CDH12: variants seen among roughly 807,000 people sequenced by gnomAD.
CDH12 encodes the protein cadherin-12.
CDH12 carries 41 observed loss-of-function variants against 74.1 expected under a neutral mutation model. That is an observed-to-expected ratio of 0.55 (90% CI 0.43 to 0.72). The LOEUF is 0.72. Ranked by LOEUF, CDH12 falls within the 30% of genes least tolerant of loss-of-function variation. The probability of loss-of-function intolerance (pLI) is 0.00; values close to 1 mark genes in which losing one functional copy is unlikely to be tolerated. For synonymous variants in CDH12, 399 were observed against 355.0 expected (o/e 1.12, Z -1.39); for missense variants, 945 against 977.2 (o/e 0.97, Z 0.44).
At chr5:22,711,147 C>A (rs576754443) in intron 1 of CDH12, among the ~76,000 whole-genome samples, 1 of 151,738 alleles carries the variant, frequency 6.6e-6, no homozygotes, top group Admixed American at 6.6e-5. Flanking sequence ...TGATAAAGAA[C>A]AAAACATATA....
chr5:22,009,651 AT>A (rs1478061933), intron 5 of CDH12, among the ~76,000 whole-genome samples: 1 of 152,138 alleles, frequency 6.6e-6, no homozygotes, highest in African/African-American at 2.4e-5. Flanking sequence ...TAATTTTGAC[AT>A]TTTTATTTTT....
intron 4 of CDH12, among the ~76,000 whole-genome samples, chr5:22,084,072 T>C (rs1020655460): frequency 4.6e-5 from 7 of 152,108 alleles, no homozygotes; most frequent in South Asian, 2.1e-4. Context: ...TAGGAAATAA[T>C]AGACATGGTC....
chr5:22,084,666 C>T (rs1352010923), intron 4 of CDH12, among the ~76,000 whole-genome samples: 2 of 152,114 alleles, frequency 1.3e-5, no homozygotes, highest in African/African-American at 2.4e-5. Flanking sequence ...CTTCAGTGAA[C>T]AGATGAACCA....
At chr5:22,739,726 G>T (rs1429008563) in intron 1 of CDH12, among the ~76,000 whole-genome samples, 3 of 151,776 alleles carry the variant, frequency 2.0e-5, no homozygotes, top group Non-Finnish European at 1.5e-5. Flanking sequence ...TTTCCTCCCA[G>T]CCCCTGGCAA....
intron 1 of CDH12, among the ~76,000 whole-genome samples, chr5:22,554,743 T>A (rs1252065015): frequency 6.6e-6 from 1 of 152,060 alleles, no homozygotes; most frequent in Non-Finnish European, 1.5e-5. Flanking sequence ...CACTACTGAC[T>A]CCATTAAACT....
At chr5:22,236,616 G>A (rs746975882) in intron 3 of CDH12, among the ~76,000 whole-genome samples, 7 of 152,148 alleles carry the variant, frequency 4.6e-5, no homozygotes, top group South Asian at 2.1e-4. Context: ...ACATTCTAGC[G>A]CAGGCCTGTA....
chr5:22,408,267 CA>C (rs1743022449), intron 2 of CDH12, among the ~76,000 whole-genome samples: 1 of 147,290 alleles, frequency 6.8e-6, no homozygotes, highest in Non-Finnish European at 1.5e-5. Flanking sequence ...GTTTCAGAGA[CA>C]ATTGCTTTTA....
At chr5:22,376,124 A>G (rs1741511781) in intron 3 of CDH12, among the ~76,000 whole-genome samples, 1 of 152,226 alleles carries the variant, frequency 6.6e-6, no homozygotes, top group South Asian at 2.1e-4. Flanking sequence ...CTGCCATAAA[A>G]ATGAATAAAA....
At chr5:22,367,667 T>A (rs574605547) in intron 3 of CDH12, among the ~76,000 whole-genome samples, 1 of 152,188 alleles carries the variant, frequency 6.6e-6, no homozygotes, top group African/African-American at 2.4e-5. Context: ...TTATGGTGCA[T>A]ATTTATGCTT....
In CDH12 at chr5:22,053,442, T is replaced by C. The variant is rs77966480; in HGVS notation, c.231+25004A>G. 6.9e-3 allele frequency among the ~76,000 whole-genome samples: 1,051 copies of C among 152,212 alleles called. 8 individuals carry two copies. The highest frequency in any genetic ancestry group is 0.011 in the Non-Finnish European group (731 of 68,010). On this transcript the variant is annotated intron_variant, in intron 5 of 14. Transcript: ENST00000382254. ...TGCTTTACTCTCTGTTAACATGCTT[T>C]ATGTGCCAGGAAGCATATTAAACAC...
At chr5:22,435,496 A>ATGTGTGTG (rs200622521) in intron 2 of CDH12, among the ~76,000 whole-genome samples, 1 of 66,670 alleles carries the variant, frequency 1.5e-5, no homozygotes, top group Non-Finnish European at 2.9e-5. Context: ...ATGTGTATAT[A>ATGTGTGTG]TATGTGTGTG....
chr5:21,939,892 G>T (rs533011047), intron 6 of CDH12, among the ~76,000 whole-genome samples: 14 of 152,064 alleles, frequency 9.2e-5, no homozygotes, highest in Non-Finnish European at 1.8e-4. Flanking sequence ...TCAAAAAGTG[G>T]TTTTTTGTGC....
At chr5:22,608,187 G>C (rs1437303019) in intron 1 of CDH12, among the ~76,000 whole-genome samples, 1 of 147,302 alleles carries the variant, frequency 6.8e-6, no homozygotes, top group East Asian at 2.2e-4. Flanking sequence ...CCAGGAGGTG[G>C]TGAGGGGGGC....
chr5:22,749,824 C>T (rs540011703), intron 1 of CDH12, among the ~76,000 whole-genome samples: 12 of 152,308 alleles, frequency 7.9e-5, no homozygotes, highest in African/African-American at 2.2e-4. Context: ...AACCTGCATG[C>T]GTCCTACTGT....
chr5:22,337,537 A>C (rs1739647761), intron 3 of CDH12, among the ~76,000 whole-genome samples: 1 of 151,956 alleles, frequency 6.6e-6, no homozygotes, highest in African/African-American at 2.4e-5. Flanking sequence ...GTCTCATGAG[A>C]TCTTATGGTT....
chr5:22,067,737 A>G (rs932245438), intron 5 of CDH12, among the ~76,000 whole-genome samples: 1 of 152,146 alleles, frequency 6.6e-6, no homozygotes, highest in Non-Finnish European at 1.5e-5. Context: ...TCTTCATAAG[A>G]TATGAAGTAT....
At chr5:21,823,848 AATC>A (rs1211224707) in intron 8 of CDH12, among the ~76,000 whole-genome samples, 2 of 152,160 alleles carry the variant, frequency 1.3e-5, no homozygotes, top group African/African-American at 2.4e-5. Context: ...CAGTTTGAAT[AATC>A]ATAACATGTA....
intron 2 of CDH12, among the ~76,000 whole-genome samples, chr5:22,439,382 A>G (rs1286915096): frequency 6.6e-6 from 1 of 152,090 alleles, no homozygotes; most frequent in Non-Finnish European, 1.5e-5. Flanking sequence ...AATAAACTTT[A>G]GGGAATGATT....
At chr5:22,059,692 A>C (rs1741050647) in intron 5 of CDH12, among the ~76,000 whole-genome samples, 1 of 152,180 alleles carries the variant, frequency 6.6e-6, no homozygotes, top group African/African-American at 2.4e-5. Flanking sequence ...AAAATATCAT[A>C]AATTCATGTG....
Sources: gnomAD v4.1 joint callset for allele counts (sites outside exome capture counted in the v4.1 genomes callset) on GRCh38, gnomAD v4.1.1 for gene constraint, MANE v1.5 for transcripts, NCBI Gene and HGNC (gene_info 2026-07-23, HGNC 2026-07-21) for gene names.